MARCHF3: variants seen among roughly 807,000 people sequenced by gnomAD.
MARCHF3 encodes the protein E3 ubiquitin-protein ligase MARCHF3.
A neutral mutation model predicts 24.2 loss-of-function variants in MARCHF3; 13 were observed. The observed-to-expected ratio is 0.54, with a 90% CI of 0.35 to 0.85. The LOEUF is 0.85. Ranked by LOEUF, MARCHF3 falls within the 40% of genes least tolerant of loss-of-function variation. The pLI, the probability that MARCHF3 is intolerant of heterozygous loss-of-function variation, is 0.01. For synonymous variants in MARCHF3, 144 were observed against 137.3 expected, an observed-to-expected ratio of 1.05 and a Z score of -0.34; for missense variants, 276 against 325.0, an observed-to-expected ratio of 0.85 and a Z score of 1.16.
chr5:126,890,290 C>T (rs75994157), intron 3 of MARCHF3, among the ~76,000 whole-genome samples: 5,997 of 144,018 alleles, frequency 0.042, 351 homozygotes, highest in African/African-American at 0.14. Context: ...GGTATGTTTT[C>T]TTTTTTATTA....
At position 126,868,909 on chromosome 5, in the gene MARCHF3, CA is replaced by C. The variant is rs2063436581; in HGVS notation, c.*1723del. ...GATGGTGGTGCAGCTAATGACAGCC[CA>C]GGGGGGTGAGCAGGGCGCAGTAAAC... On this transcript the variant is annotated 3_prime_UTR_variant, in exon 5 of 5. Coordinates refer to ENST00000308660, the MANE Select transcript of MARCHF3 (RefSeq NM_178450.5). 6.6e-6 allele frequency: 1 copy of C among 152,220 alleles called. No homozygotes were observed. Among genetic ancestry groups the C allele is most frequent in the Non-Finnish European group, 1.5e-5 (1 of 68,086 alleles). The allele number at this position is 152,220 out of a possible 1,614,324, so 9.4% of individuals were successfully genotyped here.
chr5:126,937,797 C>A (rs2126807697), intron 1 of MARCHF3, among the ~76,000 whole-genome samples: 1 of 152,172 alleles, frequency 6.6e-6, no homozygotes, highest in South Asian at 2.1e-4. Context: ...CTTTTTAATT[C>A]TTTTACAGAA....
Position 126,917,971 on chromosome 5 carries a change from A to C in MARCHF3, c.188+13T>G. 6.2e-7 allele frequency: 1 copy of C among 1,609,314 alleles called. No individual in the cohort carries two copies. Among genetic ancestry groups the C allele is most frequent in the Non-Finnish European group, 8.5e-7 (1 of 1,177,484 alleles). ...ATCAATTACAGATTCATTTATTTTA[A>C]TTGTGGTACTACCTCTGGGTGGCAA... On this transcript the variant is annotated intron_variant, in intron 2 of 4. Transcript: ENST00000308660.
At chr5:126,906,633 A>G (rs1271597691) in intron 3 of MARCHF3, among the ~76,000 whole-genome samples, 1 of 152,086 alleles carries the variant, frequency 6.6e-6, no homozygotes, top group East Asian at 1.9e-4. Flanking sequence ...CTCTCATGGT[A>G]GTTTGTATTT....
At chr5:126,968,529 C>A (rs189923865) in intron 1 of MARCHF3, among the ~76,000 whole-genome samples, 1 of 152,142 alleles carries the variant, frequency 6.6e-6, no homozygotes, top group African/African-American at 2.4e-5. Flanking sequence ...CATATGTATA[C>A]CTTCTTTGGA....
chr5:126,962,507 A>G (rs1750670693), intron 1 of MARCHF3, among the ~76,000 whole-genome samples: 2 of 152,012 alleles, frequency 1.3e-5, no homozygotes, highest in Admixed American at 6.6e-5. Context: ...AAATGTTCCA[A>G]AATAGGAAAC....
chr5:126,875,206 C>T (rs932113713), intron 4 of MARCHF3, among the ~76,000 whole-genome samples: 2 of 152,178 alleles, frequency 1.3e-5, no homozygotes, highest in Non-Finnish European at 2.9e-5. Context: ...GACACCTCTC[C>T]CTGAGCTCTT....
intron 3 of MARCHF3, among the ~76,000 whole-genome samples, chr5:126,900,619 CA>C (rs1221572501): frequency 4.7e-4 from 2 of 4,216 alleles, no homozygotes; most frequent in East Asian, 0.17. Context: ...TACAGTATTT[CA>C]TTTATAGTAG....
rs10653981 is a variant in MARCHF3, at chr5:126,869,582, C to CTTTTTTTTTTTTTTTTT, written c.*1034_*1050dup. ...ATAAGTGCAGGGCTGCTAGGACAGGCTTTTTTTTTTTTTTTTTTTTTTGCC... is the reference window on the plus strand; with the variant it reads ...ATAAGTGCAGGGCTGCTAGGACAGGCTTTTTTTTTTTTTTTTTTTTTTTTTTTTTTTTTTTTTTTGCC... On this transcript the variant is annotated 3_prime_UTR_variant, in exon 5 of 5. Coordinates refer to ENST00000308660, the MANE Select transcript of MARCHF3 (RefSeq NM_178450.5). 5.0e-5 allele frequency: 4 copies of CTTTTTTTTTTTTTTTTT among 79,832 alleles called. 1 individual carries two copies. Among genetic ancestry groups the CTTTTTTTTTTTTTTTTT allele is most frequent in the African/African-American group, 1.1e-4 (2 of 18,756 alleles). The allele number at this position is 79,832 out of a possible 1,614,324, so 4.9% of individuals were successfully genotyped here. A position where few individuals can be genotyped will look rare whatever the true frequency, so the allele number is the denominator to read the frequency against.
intron 1 of MARCHF3, among the ~76,000 whole-genome samples, chr5:126,992,185 G>A (rs1464781553): frequency 6.6e-6 from 1 of 152,100 alleles, no homozygotes; most frequent in East Asian, 1.9e-4. Context: ...AAAGTTACCT[G>A]CAGACAAATC....
chr5:127,028,006 C>T (rs1753059016), intron 1 of MARCHF3, among the ~76,000 whole-genome samples: 1 of 152,172 alleles, frequency 6.6e-6, no homozygotes, highest in African/African-American at 2.4e-5. Flanking sequence ...TGATTCATAT[C>T]AAGGTGGGAA....
chr5:126,978,108 A>G (rs1403934616), intron 1 of MARCHF3, among the ~76,000 whole-genome samples: 2 of 152,188 alleles, frequency 1.3e-5, no homozygotes, highest in African/African-American at 4.8e-5. Context: ...TGAGTATTGT[A>G]TGTTGGGAAT....
chr5:126,923,907 A>C (rs1749211994), intron 1 of MARCHF3, among the ~76,000 whole-genome samples: 1 of 152,210 alleles, frequency 6.6e-6, no homozygotes, highest in African/African-American at 2.4e-5. Flanking sequence ...AGCAAATCAA[A>C]GAAGCAAATT....
chr5:126,971,754 C>A (rs1358488144), intron 1 of MARCHF3, among the ~76,000 whole-genome samples: 2 of 152,164 alleles, frequency 1.3e-5, no homozygotes, highest in African/African-American at 4.8e-5. Context: ...ATTTTAATCC[C>A]AGTAAGTGAC....
chr5:126,948,149 T>G (rs1750091971), intron 1 of MARCHF3, among the ~76,000 whole-genome samples: 8 of 152,258 alleles, frequency 5.3e-5, no homozygotes, highest in Admixed American at 5.2e-4. Context: ...GGTGGGCCAG[T>G]GCCAGCCTCT....
intron 3 of MARCHF3, among the ~76,000 whole-genome samples, chr5:126,885,009 A>G (rs774396142): frequency 6.6e-6 from 1 of 152,090 alleles, no homozygotes; most frequent in Non-Finnish European, 1.5e-5. Flanking sequence ...CTTCATTTTC[A>G]GCCTTTGCGC....
intron 1 of MARCHF3, among the ~76,000 whole-genome samples, chr5:126,929,210 T>C (rs1474040330): frequency 1.3e-5 from 2 of 152,236 alleles, no homozygotes; most frequent in Non-Finnish European, 2.9e-5. Context: ...GTCTGTCTTC[T>C]TGTGTTACCA....
chr5:126,914,204 T>C lies in MARCHF3; in HGVS notation c.393+726A>G, dbSNP rs375523592. Among the ~76,000 whole-genome samples, 101 of 151,924 alleles carry C rather than the reference T, an allele frequency of 6.6e-4. No homozygotes were observed. In the East Asian group the frequency reaches 0.01, roughly 15 times the overall value. ...TTCACAGTGTTAGCCAGGATGGTCT[T>C]GATCTCCTGACCTTGTGATCCGCCC... On this transcript the variant is annotated intron_variant, in intron 3 of 4. Coordinates refer to ENST00000308660, the MANE Select transcript of MARCHF3 (RefSeq NM_178450.5).
intron 1 of MARCHF3, among the ~76,000 whole-genome samples, chr5:126,941,666 G>C (rs541365187): frequency 3.5e-4 from 54 of 152,304 alleles, no homozygotes; most frequent in African/African-American, 1.2e-3. Flanking sequence ...ATTTGGGTCT[G>C]ACCCCAGGAA....
Sources: gnomAD v4.1 joint callset for allele counts (sites outside exome capture counted in the v4.1 genomes callset) on GRCh38, gnomAD v4.1.1 for gene constraint, MANE v1.5 for transcripts, NCBI Gene and HGNC (gene_info 2026-07-23, HGNC 2026-07-21) for gene names.